The following OTOG variants were observed in gnomAD, a reference collection of about 807,000 sequenced individuals.
OTOG encodes the protein otogelin.
OTOG carries 296 observed loss-of-function variants against 313.8 expected under a neutral mutation model. The observed-to-expected ratio is 0.94, with a 90% CI of 0.86 to 1.04. OTOG has a LOEUF of 1.04. Ranked by LOEUF, OTOG falls within the 50% of genes least tolerant of loss-of-function variation. OTOG has a pLI of 0.00. For missense variants in OTOG, 3,948 were observed against 3,840.1 expected, an observed-to-expected ratio of 1.03 and a Z score of -0.74; for synonymous variants, 1,533 against 1,554.9, an observed-to-expected ratio of 0.99 and a Z score of 0.33.
intron 22 of OTOG, 44 bp downstream of exon 22, chr11:17,576,955 T>A (rs1383217095): frequency 9.9e-6 from 15 of 1,520,362 alleles, no homozygotes; most frequent in Non-Finnish European, 1.3e-5. Flanking sequence ...GGGCTCCACA[T>A]GGTAAAGGAG....
intron 47 of OTOG, among the ~76,000 whole-genome samples, chr11:17,637,282 T>C (rs748023315): frequency 1.9e-4 from 29 of 152,166 alleles, no homozygotes; most frequent in Non-Finnish European, 3.2e-4. Flanking sequence ...TCCATGTTAA[T>C]ACATTTTCAA....
intron 3 of OTOG, among the ~76,000 whole-genome samples, chr11:17,549,744 TGGGGAAGGGTCATAAG>T: frequency 6.6e-6 from 1 of 152,066 alleles, no homozygotes. Flanking sequence ...GCCTTTTCCT[TGGGGAAGGGTCATAAG>T]TGAGTGGACC....
intron 42 of OTOG, among the ~76,000 whole-genome samples, chr11:17,633,280 T>C (rs1054500362): frequency 6.6e-6 from 1 of 152,204 alleles, no homozygotes; most frequent in African/African-American, 2.4e-5. Flanking sequence ...AAAACACTGA[T>C]CTAGAGCAAG....
At chr11:17,574,972 G>A in intron 20 of OTOG, 60 bp downstream of exon 20, 1 of 1,412,732 alleles carries the variant, frequency 7.1e-7, no homozygotes, top group Non-Finnish European at 9.3e-7. Flanking sequence ...GGTCTCCAGG[G>A]CATCTGAGAC....
chr11:17,609,004 G>A lies in OTOG; in HGVS notation c.4275-126G>A, dbSNP rs184121002. The A allele has an allele frequency of 6.3e-4, 455 of 723,502 alleles. 1 individual carries two copies. Among genetic ancestry groups the A allele is most frequent in the Non-Finnish European group, 9.4e-4 (399 of 425,326 alleles). The allele number at this position is 723,502 out of a possible 1,614,324, so 44.8% of individuals were successfully genotyped here. A position where few individuals can be genotyped will look rare whatever the true frequency, so the allele number is the denominator to read the frequency against. Reference sequence around the variant, plus strand: ...TATGGAGGGTCATGTGTGTGTACACGTAATAAGCACATGTGTGCACGCACA... The same window carrying A: ...TATGGAGGGTCATGTGTGTGTACACATAATAAGCACATGTGTGCACGCACA... On this transcript the variant is annotated intron_variant, in intron 34 of 55. Coordinates refer to ENST00000399397, the MANE Select transcript of OTOG (RefSeq NM_001292063.2).
At chr11:17,596,247 A>T in intron 29 of OTOG, 93 bp downstream of exon 29, 2 of 928,474 alleles carry the variant, frequency 2.2e-6, no homozygotes, top group Non-Finnish European at 3.4e-6. Flanking sequence ...CTCAGAGGAG[A>T]CAGCTCAGAT....
Position 17,639,437 on chromosome 11 carries a change from A to T in OTOG, c.7909A>T (p.Thr2637Ser). Residue 2637 changes from threonine to serine, a missense_variant, in exon 49 of 56, where the codon ACA (threonine) becomes TCA (serine). By Grantham distance (58) the Thr-to-Ser change is moderately conservative (BLOSUM62 1). Transcript: ENST00000399397. ...GTGTTTTTCAGAATGTGACTGTGAC[A>T]CAATCCCGGTGCCCCGGTGCCATCT... Reference protein sequence around the residue: ...PYKSCECDCDTIPVPRCHLWE... With the variant: ...PYKSCECDCDSIPVPRCHLWE... 6.4e-7 allele frequency: 1 copy of T among 1,550,738 alleles called. No homozygotes were observed. Among genetic ancestry groups the T allele is most frequent in the Non-Finnish European group, 8.7e-7 (1 of 1,147,030 alleles).
At chr11:17,644,053 G>A (rs1848025730) in intron 54 of OTOG, among the ~76,000 whole-genome samples, 1 of 152,248 alleles carries the variant, frequency 6.6e-6, no homozygotes, top group African/African-American at 2.4e-5. Context: ...TCTGCTAGAT[G>A]GCCTGATCTC....
chr11:17,563,297 C>T (rs1378424078), intron 15 of OTOG, among the ~76,000 whole-genome samples: 2 of 152,326 alleles, frequency 1.3e-5, no homozygotes, highest in Admixed American at 1.3e-4. Flanking sequence ...CACCCACAGC[C>T]AGGGCAGCTG....
At position 17,641,862 on chromosome 11, in the gene OTOG, C is replaced by G; in HGVS notation, c.8206C>G (p.His2736Asp). Residue 2736 changes from histidine to aspartate, a missense_variant, in exon 52 of 56, where the codon CAC becomes GAC. His to Asp is a moderately conservative substitution (Grantham distance 81, BLOSUM62 -1). Transcript: ENST00000399397. ...TGGCCTGTAGAACCAGGAGTACGAG[C>G]ACCCGCGGGACCTCGCTGCCTGCTG... is the stretch of plus-strand genomic sequence containing the variant. ...IHCEANQEYE[H>D]PRDLAACCGS... 6.5e-7 allele frequency: 1 copy of G among 1,550,012 alleles called. No individual in the cohort carries two copies. Among genetic ancestry groups the G allele is most frequent in the Non-Finnish European group, 8.7e-7 (1 of 1,146,698 alleles).
Position 17,631,774 on chromosome 11 carries a change from C to G in OTOG, c.6785C>G (p.Pro2262Arg). The G allele has an allele frequency of 6.4e-7, 1 of 1,550,606 alleles. No homozygotes were observed. The highest frequency in any genetic ancestry group is 8.7e-7 in the Non-Finnish European group (1 of 1,146,996). ...DGSVVGGAEDPAPFLDSWQVP... is the reference protein window; with the variant it reads ...DGSVVGGAEDRAPFLDSWQVP... ...TCAGTGGTGGGTGGGGCTGAGGACC[C>G]TGCTCCCTTTCTGGACAGCTGGCAG... The change falls in exon 41 of 56, where the codon CCT (proline) becomes CGT (arginine). Residue 2262 changes from proline (P) to arginine (R), a missense_variant. Physicochemically the swap from Pro to Arg is moderately radical, Grantham distance 103. Coordinates refer to ENST00000399397, the MANE Select transcript of OTOG (RefSeq NM_001292063.2).
At chr11:17,621,200 C>G (rs1853856628) in intron 39 of OTOG, among the ~76,000 whole-genome samples, 1 of 151,976 alleles carries the variant, frequency 6.6e-6, no homozygotes, top group South Asian at 2.1e-4. Context: ...GCTGGATATT[C>G]TTTCATTTTA....
At position 17,553,191 on chromosome 11, in the gene OTOG, C is replaced by T. The variant is rs1403454339; in HGVS notation, c.365C>T (p.Thr122Ile). ...TGTGACTGCAGACGCTTCAATGCCA[C>T]TGGACCGCGCTGCCAGATGGGTGGG... ...AFCDCRRFNA[T>I]GPRCQMVYNA... Residue 122 changes from threonine (T) to isoleucine (I), a missense_variant, in exon 5 of 56, where the codon ACT becomes ATT. By Grantham distance (89) the Thr-to-Ile change is moderately conservative. Coordinates refer to ENST00000399397, the MANE Select transcript of OTOG (RefSeq NM_001292063.2). 2.6e-6 allele frequency: 4 copies of T among 1,550,520 alleles called. No individual in the cohort carries two copies. Among genetic ancestry groups the T allele is most frequent in the Non-Finnish European group, 2.6e-6 (3 of 1,146,976 alleles).
chr11:17,600,514 T>G (rs1853223217), intron 31 of OTOG, among the ~76,000 whole-genome samples: 1 of 152,172 alleles, frequency 6.6e-6, no homozygotes, highest in Admixed American at 6.5e-5. Context: ...TTATCAGATT[T>G]TGGCTTGACT....
chr11:17,629,221 C>G lies in OTOG; in HGVS notation c.6617C>G (p.Thr2206Ser). 1 of 1,550,634 alleles carries G rather than the reference C, an allele frequency of 6.4e-7. No individual in the cohort carries two copies. Among genetic ancestry groups the G allele is most frequent in the Non-Finnish European group, 8.7e-7 (1 of 1,147,004 alleles). The change falls in exon 40 of 56, where the codon ACT becomes AGT. Residue 2206 changes from threonine (T) to serine (S), a missense_variant. Transcript: ENST00000399397. ...EDTGHMYMIL[T>S]PSDIQIQWLH... ...ACAGGCCACATGTACATGATCCTGA[C>G]TCCCTCAGACATCCAGATCCAGTGG... is the stretch of plus-strand genomic sequence containing the variant.
At chr11:17,628,716 T>C (rs1854043684) in intron 39 of OTOG, among the ~76,000 whole-genome samples, 1 of 152,212 alleles carries the variant, frequency 6.6e-6, no homozygotes, top group East Asian at 1.9e-4. Flanking sequence ...CAGGGGTATG[T>C]AGCCCCAAGG....
intron 54 of OTOG, among the ~76,000 whole-genome samples, chr11:17,644,987 G>T (rs1186426684): frequency 3.3e-5 from 5 of 152,204 alleles, no homozygotes; most frequent in African/African-American, 4.8e-5. Context: ...TGAGAGGCAT[G>T]GTCCAGGCAG....
chr11:17,593,121 C>T, intron 25 of OTOG, 72 bp from the exon 26 acceptor site: 3 of 1,427,290 alleles, frequency 2.1e-6, no homozygotes, highest in Non-Finnish European at 2.8e-6. Flanking sequence ...GAGCGTGTTC[C>T]TCCACCTCTG....
Position 17,633,782 on chromosome 11 carries a change from A to C in OTOG, c.7175A>C (p.His2392Pro). ...DGILGPLDPE[H>P]CQVLGEGCVC... ...ATACTAGGGCCTCTGGACCCAGAGC[A>C]CTGCCAGGTGCTGGGCGAGGGCTGC... The change falls in exon 43 of 56, where the codon CAC becomes CCC. Residue 2392 changes from histidine to proline, a missense_variant. Physicochemically the swap from His to Pro is moderately conservative, Grantham distance 77. Transcript: ENST00000399397. 2 of 1,550,516 alleles carry C rather than the reference A, an allele frequency of 1.3e-6. No individual in the cohort carries two copies. Among genetic ancestry groups the C allele is most frequent in the Non-Finnish European group, 1.7e-6 (2 of 1,146,968 alleles).
Sources: allele counts gnomAD v4.1 joint callset (sites outside exome capture counted in the v4.1 genomes callset), GRCh38; gene constraint gnomAD v4.1.1; transcripts MANE v1.5; gene names NCBI Gene and HGNC (gene_info 2026-07-23, HGNC 2026-07-21).